The following CDC73 variants were observed in gnomAD, a reference collection of about 807,000 sequenced individuals.
CDC73 encodes the protein cell division cycle 73.
Under a neutral mutation model 83.7 loss-of-function variants are expected in CDC73, and 21 were observed. The observed-to-expected ratio is 0.25, with a 90% confidence interval of 0.18 to 0.36. CDC73 has a LOEUF of 0.36. CDC73 is among the 10% of genes least tolerant of loss of function. CDC73 has a pLI of 1.00. For synonymous variants in CDC73, 224 were observed against 212.9 expected (o/e 1.05, Z -0.45); for missense variants, 342 against 653.3 (o/e 0.52, Z 5.19).
At chr1:193,186,264 A>G (rs1676804663) in intron 10 of CDC73, 2 of 152,408 alleles carry the variant, frequency 1.3e-5, no homozygotes, top group African/African-American at 4.8e-5. Flanking sequence ...CTCTTTCGTT[A>G]AACAAAAGAG....
chr1:193,175,125 A>C (rs929006578), intron 10 of CDC73, among the ~76,000 whole-genome samples: 1 of 152,172 alleles, frequency 6.6e-6, no homozygotes, highest in African/African-American at 2.4e-5. Flanking sequence ...TAGCTGGCCA[A>C]GGGTTTTAGG....
Position 193,135,371 on chromosome 1 carries a change from G to A in CDC73, c.308-20G>A, listed in dbSNP as rs778469738. ...TATGTTGAAATAGTAATCCTTACGT[G>A]AATCTTTTTATGTCTTCAGCAACAT... On this transcript the variant is annotated intron_variant, in intron 3 of 16. Coordinates refer to ENST00000367435, the MANE Select transcript of CDC73 (RefSeq NM_024529.5). The A allele has an allele frequency of 6.3e-7, 1 of 1,599,200 alleles. No individual in the cohort carries two copies. Among genetic ancestry groups the A allele is most frequent in the African/African-American group, 1.3e-5 (1 of 74,560 alleles).
intron 10 of CDC73, among the ~76,000 whole-genome samples, chr1:193,178,129 G>T (rs1676643957): frequency 6.6e-6 from 1 of 152,104 alleles, no homozygotes; most frequent in Non-Finnish European, 1.5e-5. Flanking sequence ...AAAACGACTT[G>T]AGTATTGTTG....
At chr1:193,215,682 T>C (rs1454084690) in intron 13 of CDC73, among the ~76,000 whole-genome samples, 2 of 149,394 alleles carry the variant, frequency 1.3e-5, no homozygotes, top group African/African-American at 5.0e-5. Flanking sequence ...CTCTGCCTCC[T>C]GGGCTCAAGC....
intron 15 of CDC73, among the ~76,000 whole-genome samples, chr1:193,243,576 A>T (rs769840623): frequency 6.6e-6 from 1 of 152,236 alleles, no homozygotes; most frequent in Non-Finnish European, 1.5e-5. Context: ...ATTCTGAAGA[A>T]TGATTAGCAA....
intron 10 of CDC73, among the ~76,000 whole-genome samples, chr1:193,172,330 T>TC: frequency 6.6e-6 from 1 of 151,918 alleles, no homozygotes; most frequent in East Asian, 1.9e-4. Flanking sequence ...GATAAAGTTA[T>TC]GAGGTTTCTT....
chr1:193,170,295 C>T (rs886422152), intron 10 of CDC73, among the ~76,000 whole-genome samples: 1 of 151,974 alleles, frequency 6.6e-6, no homozygotes, highest in African/African-American at 2.4e-5. Flanking sequence ...ATTTATATTC[C>T]TTTGAGTATA....
rs532961010 is a variant in CDC73, at chr1:193,225,877, TC to T, written c.1155-7114del. The stretch of plus-strand genomic sequence containing the variant: ...GTTGACTGTTTACTCTGCTGACTGT[TC>T]CTTTTGCCGTGCAAAAGCTCTTTAG... On this transcript the variant is annotated intron_variant, in intron 13 of 16. Transcript: ENST00000367435. Among the ~76,000 whole-genome samples, 372 of 152,298 alleles carry T rather than the reference TC, an allele frequency of 2.4e-3. 1 individual carries two copies. Among genetic ancestry groups the T allele is most frequent in the African/African-American group, 8.1e-3 (338 of 41,548 alleles).
At chr1:193,211,266 C>G (rs1039233553) in intron 11 of CDC73, among the ~76,000 whole-genome samples, 1 of 152,206 alleles carries the variant, frequency 6.6e-6, no homozygotes, top group Non-Finnish European at 1.5e-5. Flanking sequence ...CCTTTTCCAT[C>G]TTAACACTAT....
At chr1:193,191,006 C>T (rs1053860369) in intron 10 of CDC73, among the ~76,000 whole-genome samples, 5 of 152,168 alleles carry the variant, frequency 3.3e-5, no homozygotes, top group African/African-American at 1.2e-4. Context: ...GCTCTGTGTT[C>T]TGCAGGACTT....
chr1:193,242,777 C>T (rs1271919570), intron 15 of CDC73, among the ~76,000 whole-genome samples: 1 of 152,094 alleles, frequency 6.6e-6, no homozygotes, highest in Non-Finnish European at 1.5e-5. Context: ...TAAAAGGGCA[C>T]CTCTTTGATC....
intron 3 of CDC73, among the ~76,000 whole-genome samples, chr1:193,132,591 G>A (rs1478682317): frequency 1.3e-5 from 2 of 151,666 alleles, no homozygotes; most frequent in Admixed American, 1.3e-4. Flanking sequence ...GGGATTGCAG[G>A]CATGAGCCAC....
At chr1:193,135,290 C>T (rs1046974673) in intron 3 of CDC73, 101 bp from the exon 4 acceptor site, 1 of 934,996 alleles carries the variant, frequency 1.1e-6, no homozygotes, top group Non-Finnish European at 1.7e-6. Context: ...AGAAAATCAC[C>T]ATATAGAAGT....
At chr1:193,214,964 T>G (rs1677339179) in intron 13 of CDC73, among the ~76,000 whole-genome samples, 1 of 152,216 alleles carries the variant, frequency 6.6e-6, no homozygotes, top group Non-Finnish European at 1.5e-5. Context: ...TTACTCTAGA[T>G]GAATATACAA....
chr1:193,249,122 A>G (rs901746175), intron 15 of CDC73, among the ~76,000 whole-genome samples: 1 of 152,010 alleles, frequency 6.6e-6, no homozygotes, highest in Non-Finnish European at 1.5e-5. Context: ...ATTTTCAGAA[A>G]TCGCTACAGC....
chr1:193,149,792 A>C (rs1417678392), intron 8 of CDC73, among the ~76,000 whole-genome samples: 1 of 152,134 alleles, frequency 6.6e-6, no homozygotes, highest in Non-Finnish European at 1.5e-5. Context: ...GTTTTGATAA[A>C]GTATTTGTGA....
intron 10 of CDC73, among the ~76,000 whole-genome samples, chr1:193,192,733 C>T (rs1211932829): frequency 3.3e-5 from 5 of 152,176 alleles, no homozygotes; most frequent in African/African-American, 1.2e-4. Flanking sequence ...GTTGTGGCAG[C>T]CACGTGCCAA....
chr1:193,234,491 G>A (rs756387560), intron 14 of CDC73, among the ~76,000 whole-genome samples: 2 of 151,470 alleles, frequency 1.3e-5, no homozygotes, highest in Non-Finnish European at 2.9e-5. Flanking sequence ...TGTTTGCAGT[G>A]TATTTGCAGA....
rs2103111177 is a variant in CDC73, at chr1:193,122,047, C to T, written c.-154C>T. Reference sequence around the variant, plus strand: ...GCCTGGGTGGCTACTGCCCCTGCTGCTGTCGTAGGCGAGGACGGCTGTTAG... The same window carrying T: ...GCCTGGGTGGCTACTGCCCCTGCTGTTGTCGTAGGCGAGGACGGCTGTTAG... On this transcript the variant is annotated 5_prime_UTR_variant, in exon 1 of 17. Transcript: ENST00000367435. 4.3e-6 allele frequency: 3 copies of T among 698,224 alleles called. No individual in the cohort carries two copies. The highest frequency in any genetic ancestry group is 2.8e-5 in the East Asian group (1 of 36,314). 43.3% of individuals were successfully genotyped at this position (698,224 alleles called of 1,614,324 possible).
Sources: allele counts gnomAD v4.1 joint callset (sites outside exome capture counted in the v4.1 genomes callset), GRCh38; gene constraint gnomAD v4.1.1; transcripts MANE v1.5; gene names NCBI Gene and HGNC (gene_info 2026-07-23, HGNC 2026-07-21).